The following CPPED1 variants were observed in gnomAD, a reference collection of about 807,000 sequenced individuals.
CPPED1 encodes calcineurin like phosphoesterase domain containing 1.
Under a neutral mutation model 28.0 loss-of-function variants are expected in CPPED1, and 28 were observed. The observed-to-expected ratio is 1.00, with a 90% CI of 0.74 to 1.37. The LOEUF (loss-of-function observed/expected upper bound fraction) is 1.37. Ranked by LOEUF, CPPED1 falls within the 40% of genes most tolerant of loss-of-function variation. The pLI, the probability that CPPED1 is intolerant of heterozygous loss-of-function variation, is 0.00. For synonymous variants in CPPED1, 198 were observed against 180.2 expected, an observed-to-expected ratio of 1.10 and a Z score of -0.79; for missense variants, 504 against 416.5, an observed-to-expected ratio of 1.21 and a Z score of -1.83.
chr16:12,707,003 C>T (rs1292360463), intron 2 of CPPED1, among the ~76,000 whole-genome samples: 1 of 152,194 alleles, frequency 6.6e-6, no homozygotes. Flanking sequence ...CCGTCTGCAT[C>T]GAAGGTGCCA....
intron 3 of CPPED1, among the ~76,000 whole-genome samples, chr16:12,671,192 A>G (rs576199804): frequency 1.3e-5 from 2 of 152,272 alleles, no homozygotes; most frequent in South Asian, 4.2e-4. Flanking sequence ...CATTTTCCCC[A>G]TTCATTAACA....
Position 12,682,660 on chromosome 16 carries a change from C to A in CPPED1, c.716-17545G>T, listed in dbSNP as rs1338614589. On this transcript the variant is annotated intron_variant, in intron 3 of 3. Coordinates refer to ENST00000381774, the MANE Select transcript of CPPED1 (RefSeq NM_018340.3). This position sits in a 1 kb window ranked among gnomAD's most constrained non-coding sequence, Gnocchi z 6.1. ...AAGATAAGTGAGAATCAGGGACACG[C>A]CCTGGGTGGCACAGCAGGAAGCTGC... Among the ~76,000 whole-genome samples the A allele has an allele frequency of 6.6e-6, 1 of 152,212 alleles. No individual in the cohort carries two copies. The highest frequency in any genetic ancestry group is 2.1e-4 in the South Asian group (1 of 4,834).
At chr16:12,797,142 T>C (rs1328324144) in intron 1 of CPPED1, among the ~76,000 whole-genome samples, 2 of 152,150 alleles carry the variant, frequency 1.3e-5, no homozygotes, top group African/African-American at 4.8e-5. Flanking sequence ...TTTGGGAAGG[T>C]AGAGATGTGC....
chr16:12,769,374 G>C (rs930822192), intron 2 of CPPED1, among the ~76,000 whole-genome samples: 17 of 152,188 alleles, frequency 1.1e-4, no homozygotes, highest in African/African-American at 4.1e-4. Context: ...GGATCCAGGG[G>C]CTTCAGCAAC....
intron 3 of CPPED1, among the ~76,000 whole-genome samples, chr16:12,673,380 T>C (rs1354381509): frequency 2.6e-5 from 4 of 152,246 alleles, no homozygotes; most frequent in African/African-American, 7.2e-5. Context: ...TGCTAAATTA[T>C]GTTTATGAGA....
At chr16:12,673,010 T>A (rs1205872341) in intron 3 of CPPED1, among the ~76,000 whole-genome samples, 2 of 150,814 alleles carry the variant, frequency 1.3e-5, no homozygotes, top group Non-Finnish European at 2.9e-5. Context: ...AGACCCTGTC[T>A]CAAAAGAAAA....
intron 3 of CPPED1, among the ~76,000 whole-genome samples, chr16:12,700,198 G>T (rs779798446): frequency 6.6e-6 from 1 of 152,230 alleles, no homozygotes; most frequent in Non-Finnish European, 1.5e-5. Context: ...TGTGAAGCAG[G>T]TTTAGGTGAA....
At chr16:12,711,769 T>C (rs922627808) in intron 2 of CPPED1, among the ~76,000 whole-genome samples, 3 of 152,216 alleles carry the variant, frequency 2.0e-5, no homozygotes, top group African/African-American at 4.8e-5. Flanking sequence ...TCTGGGGATG[T>C]TGCCCTCTGA....
chr16:12,781,150 G>A, intron 2 of CPPED1, 35 bp downstream of exon 2: 1 of 1,581,302 alleles, frequency 6.3e-7, no homozygotes, highest in Non-Finnish European at 8.6e-7. Context: ...ACCGGCTGAA[G>A]GAGAAAAGGT....
chr16:12,742,707 T>C (rs1198725869), intron 2 of CPPED1, among the ~76,000 whole-genome samples: 2 of 152,174 alleles, frequency 1.3e-5, no homozygotes, highest in Non-Finnish European at 1.5e-5. Flanking sequence ...CAATAGCTGC[T>C]TCTCAGTTAT....
intron 2 of CPPED1, among the ~76,000 whole-genome samples, chr16:12,767,048 G>C (rs1367793314): frequency 6.6e-6 from 1 of 151,918 alleles, no homozygotes; most frequent in Non-Finnish European, 1.5e-5. Flanking sequence ...ATGTGCTCCA[G>C]GGAACCAATA....
intron 2 of CPPED1, among the ~76,000 whole-genome samples, chr16:12,715,541 C>A (rs4780472): frequency 2.0e-5 from 3 of 151,840 alleles, no homozygotes; most frequent in Non-Finnish European, 4.4e-5. Flanking sequence ...ACATCTGTAA[C>A]CCCAGCTACT....
At chr16:12,780,713 T>C (rs8058194) in intron 2 of CPPED1, among the ~76,000 whole-genome samples, 115,639 of 149,472 alleles carry the variant, frequency 0.77, 45,039 homozygotes, top group African/African-American at 0.86. Flanking sequence ...TTTACAGTCC[T>C]ATTAGGCAAC....
intron 2 of CPPED1, among the ~76,000 whole-genome samples, chr16:12,748,229 T>C (rs144732175): frequency 3.3e-5 from 5 of 152,240 alleles, no homozygotes; most frequent in Non-Finnish European, 7.4e-5. Flanking sequence ...CACAGCACAA[T>C]GGTTAACTAA....
Position 12,726,809 on chromosome 16 carries a change from A to AAAAT in CPPED1, c.290-21764_290-21761dup, listed in dbSNP as rs368789005. The stretch of plus-strand genomic sequence containing the variant: ...GGGTGACAGAGCAAGACCCTGTCTC[A>AAAAT]AAATAAATAAATAAATAAATAAAAT... On this transcript the variant is annotated intron_variant, in intron 2 of 3. Coordinates refer to ENST00000381774, the MANE Select transcript of CPPED1 (RefSeq NM_018340.3). Among the ~76,000 whole-genome samples the AAAAT allele has an allele frequency of 3.1e-4, 47 of 152,018 alleles. 1 individual carries two copies. The highest frequency in any genetic ancestry group is 7.7e-4 in the East Asian group (4 of 5,166).
At chr16:12,723,961 G>T (rs1480747830) in intron 2 of CPPED1, among the ~76,000 whole-genome samples, 1 of 152,060 alleles carries the variant, frequency 6.6e-6, no homozygotes, top group Non-Finnish European at 1.5e-5. Context: ...CTCATACCCA[G>T]CCACCACCAT....
chr16:12,669,727 G>C (rs909927917), intron 3 of CPPED1, among the ~76,000 whole-genome samples: 2 of 152,192 alleles, frequency 1.3e-5, no homozygotes, highest in South Asian at 2.1e-4. Context: ...AGAGCACCTA[G>C]CACTCAGATC....
chr16:12,785,472 G>C (rs1016478698), intron 1 of CPPED1, among the ~76,000 whole-genome samples: 6 of 144,836 alleles, frequency 4.1e-5, no homozygotes, highest in African/African-American at 1.6e-4. Flanking sequence ...CTGTCACCTA[G>C]GCTCCAGTGC....
chr16:12,772,572 T>C (rs1446428374), intron 2 of CPPED1, among the ~76,000 whole-genome samples: 3 of 152,244 alleles, frequency 2.0e-5, no homozygotes, highest in East Asian at 1.9e-4. Flanking sequence ...TCCATTTTCA[T>C]ATTGAGTCTC....
Sources: allele counts gnomAD v4.1 joint callset (sites outside exome capture counted in the v4.1 genomes callset), GRCh38; gene constraint gnomAD v4.1.1; non-coding constraint Gnocchi (gnomAD v3.1); transcripts MANE v1.5; gene names NCBI Gene and HGNC (gene_info 2026-07-23, HGNC 2026-07-21).